The following GATA4 variants were observed in gnomAD, a reference collection of about 807,000 sequenced individuals.
GATA4 encodes transcription factor GATA-4.
A neutral mutation model predicts 37.9 loss-of-function variants in GATA4; 7 were observed. The observed-to-expected ratio is 0.18, with a 90% CI of 0.11 to 0.35. The LOEUF (loss-of-function observed/expected upper bound fraction) is 0.35, where lower values mean the gene tolerates loss of function less well. Ranked by LOEUF, GATA4 falls within the 10% of genes least tolerant of loss-of-function variation. The pLI, the probability that GATA4 is intolerant of heterozygous loss-of-function variation, is 1.00. For missense variants in GATA4, 647 were observed against 653.0 expected (o/e 0.99, Z 0.10); for synonymous variants, 372 against 292.6 (o/e 1.27, Z -2.77).
intron 1 of GATA4, among the ~76,000 whole-genome samples, chr8:11,680,126 C>A (rs1332403773): frequency 6.6e-6 from 1 of 152,254 alleles, no homozygotes; most frequent in Admixed American, 6.5e-5. Context: ...AGCGCGCAGC[C>A]CGCGGGGAAA....
chr8:11,692,575 C>T (rs1585563116), upstream of GATA4: 3 of 985,358 alleles, frequency 3.0e-6, no homozygotes, highest in Non-Finnish European at 3.6e-6. Flanking sequence ...GGCGGCTCCG[C>T]CTGGGAGGGC....
intron 1 of GATA4, chr8:11,681,220 T>C (rs1431305075): frequency 1.0e-6 from 1 of 985,014 alleles, no homozygotes; most frequent in Non-Finnish European, 1.2e-6. Context: ...GAGGCAGAGA[T>C]TTCTCGACGT....
intron 1 of GATA4, chr8:11,682,941 T>G (rs1177724762): frequency 2.4e-6 from 1 of 423,498 alleles, no homozygotes. Context: ...ACCGGGGACC[T>G]GCTTTGTTAA....
chr8:11,729,725 G>A (rs11250159), intron 2 of GATA4, among the ~76,000 whole-genome samples: 2 of 152,036 alleles, frequency 1.3e-5, no homozygotes, highest in African/African-American at 2.4e-5. Context: ...AATTGTGTTC[G>A]CTGAAAAGCA....
At chr8:11,715,177 C>G (rs1404721014) in intron 2 of GATA4, among the ~76,000 whole-genome samples, 5 of 151,954 alleles carry the variant, frequency 3.3e-5, no homozygotes, top group Admixed American at 3.3e-4. Flanking sequence ...TAGCACTTTA[C>G]TGTTTGTGTT....
chr8:11,754,947 G>C, intron 4 of GATA4, 99 bp from the exon 5 acceptor site: 1 of 878,800 alleles, frequency 1.1e-6, no homozygotes, highest in African/African-American at 1.7e-5. Flanking sequence ...TGGAGAGATT[G>C]CTTAGGTGTT....
At chr8:11,698,032 T>A in intron 1 of GATA4, 1 of 984,630 alleles carries the variant, frequency 1.0e-6, no homozygotes, top group African/African-American at 1.7e-5. Flanking sequence ...GGACTCTGGG[T>A]TGACCTCGTC....
chr8:11,744,332 C>T (rs574472939), intron 2 of GATA4, among the ~76,000 whole-genome samples: 1 of 152,366 alleles, frequency 6.6e-6, no homozygotes, highest in East Asian at 1.9e-4. Flanking sequence ...AGTTTTTCCT[C>T]TCATTTGCAA....
At chr8:11,755,682 C>G (rs1802523922) in intron 5 of GATA4, among the ~76,000 whole-genome samples, 1 of 152,178 alleles carries the variant, frequency 6.6e-6, no homozygotes, top group Non-Finnish European at 1.5e-5. Flanking sequence ...AACAAGCAAA[C>G]TGAGGCTCAT....
At chr8:11,679,583 G>A (rs1798888424) in intron 1 of GATA4, among the ~76,000 whole-genome samples, 1 of 152,272 alleles carries the variant, frequency 6.6e-6, no homozygotes. Context: ...GCGCGCAGCC[G>A]GGGAGAGGAG....
intron 2 of GATA4, among the ~76,000 whole-genome samples, chr8:11,715,889 C>G (rs1426345385): frequency 6.6e-6 from 1 of 152,206 alleles, no homozygotes; most frequent in Non-Finnish European, 1.5e-5. Flanking sequence ...ACACCAGCCC[C>G]TGGTAACCCC....
At chr8:11,748,133 G>A (rs1441571861) in intron 2 of GATA4, among the ~76,000 whole-genome samples, 5 of 152,204 alleles carry the variant, frequency 3.3e-5, no homozygotes, top group South Asian at 2.1e-4. Context: ...CAGGAGAATC[G>A]CGTGAACGTG....
At chr8:11,742,379 G>GTTT (rs201647948) in intron 2 of GATA4, among the ~76,000 whole-genome samples, 1 of 93,096 alleles carries the variant, frequency 1.1e-5, no homozygotes. Flanking sequence ...TGTTTTTGGT[G>GTTT]TTTTGTTTTT....
intron 2 of GATA4, among the ~76,000 whole-genome samples, chr8:11,733,840 A>G (rs950586517): frequency 6.6e-6 from 1 of 152,178 alleles, no homozygotes; most frequent in African/African-American, 2.4e-5. Flanking sequence ...AGGCTTGGCT[A>G]TGAGACTTGC....
intron 2 of GATA4, among the ~76,000 whole-genome samples, chr8:11,720,068 A>T (rs1403207867): frequency 6.6e-6 from 1 of 151,826 alleles, no homozygotes; most frequent in Non-Finnish European, 1.5e-5. Flanking sequence ...GTGAAAGCAC[A>T]TTGGTCTGGC....
At position 11,707,746 on chromosome 8, in the gene GATA4, C is replaced by T. The variant is rs1429515421; in HGVS notation, c.-457-110C>T. The stretch of plus-strand genomic sequence containing the variant: ...GCCTCCGGAGCTGCACCCCCAAATC[C>T]CCGTGGCGACTTCATTTGAAGCGTG... On this transcript the variant is annotated intron_variant, in intron 1 of 6. Transcript: ENST00000532059. The surrounding 1 kb of genome is among the most constrained non-coding windows in gnomAD (Gnocchi z 4.7). 1 of 159,044 alleles carries T rather than the reference C, an allele frequency of 6.3e-6. No homozygotes were observed. The allele number at this position is 159,044 out of a possible 1,614,324, so 9.9% of individuals were successfully genotyped here.
chr8:11,751,508 C>G (rs556736676), intron 4 of GATA4, among the ~76,000 whole-genome samples: 1 of 152,096 alleles, frequency 6.6e-6, no homozygotes, highest in Non-Finnish European at 1.5e-5. Flanking sequence ...CTGTGTACCC[C>G]CTTGGTACCT....
rs545165460 is a variant in GATA4 at position 11,693,228 on chromosome 8, G to C, written c.-729+568G>C. 4.6e-5 allele frequency among the ~76,000 whole-genome samples: 7 copies of C among 152,352 alleles called. 1 individual carries two copies. The highest frequency in any genetic ancestry group is 1.7e-4 in the African/African-American group (7 of 41,582). ...TATTTGTAATCCCAGCACTTAGTGA[G>C]GCAGAGGCGGCAGGATCGCTTGAGC... On this transcript the variant is annotated intron_variant, in intron 1 of 2. Coordinates refer to the GATA4 transcript ENST00000526974.
chr8:11,736,790 G>C (rs774738244), intron 2 of GATA4, among the ~76,000 whole-genome samples: 1 of 152,190 alleles, frequency 6.6e-6, no homozygotes, highest in Non-Finnish European at 1.5e-5. Context: ...GTTAGCATTT[G>C]ATCTGATATT....
Sources: gnomAD v4.1 joint callset for allele counts (sites outside exome capture counted in the v4.1 genomes callset) on GRCh38, gnomAD v4.1.1 for gene constraint, Gnocchi (gnomAD v3.1) non-coding constraint, MANE v1.5 for transcripts, NCBI Gene and HGNC (gene_info 2026-07-23, HGNC 2026-07-21) for gene names.